NAE1: variants seen among roughly 807,000 people sequenced by gnomAD.
The protein encoded by NAE1 is NEDD8 activating enzyme E1 subunit 1.
A neutral mutation model predicts 88.0 loss-of-function variants in NAE1; 59 were observed. That is an observed-to-expected ratio of 0.67 (90% CI 0.54 to 0.83). The LOEUF (loss-of-function observed/expected upper bound fraction) is 0.83, where lower values mean the gene tolerates loss of function less well. NAE1 is among the 40% of genes least tolerant of loss of function. The probability of loss-of-function intolerance (pLI) is 0.00; values close to 1 mark genes in which losing one functional copy is unlikely to be tolerated. For synonymous variants in NAE1, 186 were observed against 208.9 expected (o/e 0.89, Z 0.95); for missense variants, 554 against 632.8 (o/e 0.88, Z 1.34).
At position 66,816,996 on chromosome 16, in the gene NAE1, T is replaced by G; in HGVS notation, c.717A>C (p.Glu239Asp). Residue 239 changes from glutamate (E) to aspartate (D), a missense_variant, in exon 10 of 20, where the codon GAA becomes GAC. Coordinates refer to ENST00000290810, the MANE Select transcript of NAE1 (RefSeq NM_003905.4). ...TAATCAAATCTCTGAAGTCCTCTTT[T>G]TCTTTATACGTTTTAGGTATTCGTC... ...TNGRIPKTYK[E>D]KEDFRDLIRQ... The G allele has an allele frequency of 1.9e-6, 3 of 1,601,274 alleles. No individual in the cohort carries two copies. Among genetic ancestry groups the G allele is most frequent in the Non-Finnish European group, 2.5e-6 (3 of 1,176,770 alleles).
chr16:66,814,991 T>C (rs1273013085), intron 11 of NAE1, among the ~76,000 whole-genome samples: 2 of 152,232 alleles, frequency 1.3e-5, no homozygotes, highest in East Asian at 3.8e-4. Context: ...TGAAAAGCTC[T>C]TCCACCAGAC....
At chr16:66,818,487 T>G in intron 8 of NAE1, 41 bp downstream of exon 8, 1 of 1,501,544 alleles carries the variant, frequency 6.7e-7, no homozygotes, top group Non-Finnish European at 9.0e-7. Context: ...AAAAAATGTT[T>G]TAAGTCTATC....
At chr16:66,828,259 G>A (rs539930436) in intron 1 of NAE1, 12 of 458,196 alleles carry the variant, frequency 2.6e-5, no homozygotes, top group Admixed American at 6.9e-5. Flanking sequence ...GGGAGGCGGA[G>A]GCAGGCAGAT....
At chr16:66,828,779 T>C (rs1960573860) in intron 1 of NAE1, among the ~76,000 whole-genome samples, 1 of 151,588 alleles carries the variant, frequency 6.6e-6, no homozygotes, top group Non-Finnish European at 1.5e-5. Flanking sequence ...ATCACTTGAG[T>C]GCAGAGGTAC....
In NAE1 at chr16:66,813,603, A is replaced by T; in HGVS notation, c.995T>A (p.Met332Lys). 6.2e-7 allele frequency: 1 copy of T among 1,613,802 alleles called. No individual in the cohort carries two copies. Among genetic ancestry groups the T allele is most frequent in the Non-Finnish European group, 8.5e-7 (1 of 1,179,834 alleles). The change falls in exon 13 of 20, where the codon ATG becomes AAG. Residue 332 changes from methionine to lysine, a missense_variant. Met to Lys is a moderately conservative substitution (Grantham distance 95). Coordinates refer to ENST00000290810, the MANE Select transcript of NAE1 (RefSeq NM_003905.4). ...NLPVRGTIPD[M>K]IADSGKYIKL... ...TATATATTTGCCTGAATCTGCAATC[A>T]TATCAGGAATTGTGCCTCGAACAGG...
intron 6 of NAE1, among the ~76,000 whole-genome samples, chr16:66,822,815 G>A (rs1327082070): frequency 6.7e-6 from 1 of 149,808 alleles, no homozygotes; most frequent in Non-Finnish European, 1.5e-5. Flanking sequence ...GACTATAGGC[G>A]TGAGCCACCA....
intron 13 of NAE1, among the ~76,000 whole-genome samples, chr16:66,812,825 CTTTT>C (rs78456292): frequency 8.3e-6 from 1 of 119,840 alleles, no homozygotes; most frequent in Admixed American, 8.4e-5. Context: ...GGCCTAAGTT[CTTTT>C]TTTTTTTTTT....
chr16:66,829,794 A>G (rs1960618744), intron 1 of NAE1, among the ~76,000 whole-genome samples: 1 of 152,194 alleles, frequency 6.6e-6, no homozygotes, highest in Admixed American at 6.5e-5. Context: ...CCATTAAGGT[A>G]GCTGCTAGCC....
chr16:66,826,850 G>A lies in NAE1; in HGVS notation c.54-70C>T, dbSNP rs1960482991. 3 of 1,435,268 alleles carry A rather than the reference G, an allele frequency of 2.1e-6. No homozygotes were observed. In the African/African-American group the frequency reaches 4.3e-5, roughly 21 times the overall value. 88.9% of individuals were successfully genotyped at this position (1,435,268 alleles called of 1,614,324 possible). A position where few individuals can be genotyped will look rare whatever the true frequency, so the allele number is the denominator to read the frequency against. On this transcript the variant is annotated intron_variant, in intron 1 of 19. Transcript: ENST00000290810. Reference sequence around the variant, plus strand: ...AATACAGCTTTCTTATTTGAATGGTGATCTTTAAACTTTCCTTGCATAGAC... The same window carrying A: ...AATACAGCTTTCTTATTTGAATGGTAATCTTTAAACTTTCCTTGCATAGAC...
At chr16:66,813,287 C>T (rs1308145384) in intron 13 of NAE1, 2 of 309,864 alleles carry the variant, frequency 6.5e-6, no homozygotes, top group East Asian at 6.5e-5. Context: ...AGATTAAAGG[C>T]GAACACTACC....
chr16:66,816,877 A>G (rs1960063502), intron 10 of NAE1, 88 bp downstream of exon 10: 1 of 1,531,926 alleles, frequency 6.5e-7, no homozygotes, highest in East Asian at 2.3e-5. Context: ...ATCATCTGAC[A>G]AAGGTGTTAA....
intron 12 of NAE1, 25 bp downstream of exon 12, chr16:66,813,762 A>T (rs1048842121): frequency 6.2e-7 from 1 of 1,612,718 alleles, no homozygotes. Context: ...TTTAGCAGCA[A>T]TGTTTTTACT....
At chr16:66,818,071 TAGCATTTATCCCCTCA>T (rs1960118790) in intron 8 of NAE1, among the ~76,000 whole-genome samples, 1 of 152,194 alleles carries the variant, frequency 6.6e-6, no homozygotes, top group Non-Finnish European at 1.5e-5. Flanking sequence ...GGTATCTGTA[TAGCATTTATCCCCTCA>T]AGCGTTTATC....
rs1249877971 is a variant in NAE1, at chr16:66,824,745, T to C, written c.249+110A>G. On this transcript the variant is annotated intron_variant, in intron 4 of 19. Coordinates refer to ENST00000290810, the MANE Select transcript of NAE1 (RefSeq NM_003905.4). ...TACAAGATTACAAAAATTAGTTAAC[T>C]TTTTTCTCAGAGAAATAATACACGT... The C allele has an allele frequency of 2.9e-6, 3 of 1,030,554 alleles. No individual in the cohort carries two copies. The African/African-American group carries it at 4.9e-5, about 17-fold the overall frequency. The allele number at this position is 1,030,554 out of a possible 1,614,324, so 63.8% of individuals were successfully genotyped here. A position where few individuals can be genotyped will look rare whatever the true frequency, so the allele number is the denominator to read the frequency against.
chr16:66,824,301 A>C (rs538883531), intron 4 of NAE1, among the ~76,000 whole-genome samples: 1 of 152,230 alleles, frequency 6.6e-6, no homozygotes, highest in South Asian at 2.1e-4. Flanking sequence ...TGGTTTTGTA[A>C]GATTTTTTAG....
At chr16:66,823,993 T>C (rs1248041373) in intron 4 of NAE1, among the ~76,000 whole-genome samples, 2 of 152,178 alleles carry the variant, frequency 1.3e-5, no homozygotes, top group East Asian at 3.9e-4. Flanking sequence ...TGCCTTGACC[T>C]CCCAAAGTGC....
At chr16:66,810,225 A>G (rs1031492370) in intron 15 of NAE1, 149 bp downstream of exon 15, 10 of 516,956 alleles carry the variant, frequency 1.9e-5, no homozygotes, top group Non-Finnish European at 3.1e-5. Flanking sequence ...TTATGAGAGG[A>G]AAAAAAAAAC....
At chr16:66,808,172 G>A (rs888189488) in intron 17 of NAE1, among the ~76,000 whole-genome samples, 6 of 152,122 alleles carry the variant, frequency 3.9e-5, no homozygotes, top group Admixed American at 1.3e-4. Flanking sequence ...CATTACAGAC[G>A]TGAGCCACCG....
chr16:66,807,094 A>T (rs953933715), intron 17 of NAE1, among the ~76,000 whole-genome samples: 2 of 152,152 alleles, frequency 1.3e-5, no homozygotes, highest in Non-Finnish European at 2.9e-5. Flanking sequence ...TTGCATGTCT[A>T]ACTCAGTCAG....
Sources: gnomAD v4.1 joint callset for allele counts (sites outside exome capture counted in the v4.1 genomes callset) on GRCh38, gnomAD v4.1.1 for gene constraint, MANE v1.5 for transcripts, NCBI Gene and HGNC (gene_info 2026-07-23, HGNC 2026-07-21) for gene names.